FBXO27: variants seen among roughly 807,000 people sequenced by gnomAD.
FBXO27 encodes the protein F-box only protein 27.
FBXO27 carries 28 observed loss-of-function variants against 28.3 expected under a neutral mutation model. The observed-to-expected ratio is 0.99, with a 90% CI of 0.73 to 1.36. The LOEUF is 1.36. FBXO27 is among the 40% of genes most tolerant of loss of function. FBXO27 has a pLI of 0.00. For synonymous variants in FBXO27, 175 were observed against 167.3 expected, an observed-to-expected ratio of 1.05 and a Z score of -0.36; for missense variants, 388 against 394.1, an observed-to-expected ratio of 0.98 and a Z score of 0.13.
At chr19:39,009,807 TG>T in intron 2 of FBXO27, among the ~76,000 whole-genome samples, 1 of 151,980 alleles carries the variant, frequency 6.6e-6, no homozygotes, top group African/African-American at 2.4e-5. Context: ...TTTTTTTTGT[TG>T]TTGTTGTTTG....
downstream of FBXO27, among the ~76,000 whole-genome samples, chr19:39,023,436 C>T (rs917836014): frequency 3.2e-4 from 48 of 152,072 alleles, no homozygotes; most frequent in African/African-American, 1.1e-3. Flanking sequence ...TGTCTTTGAC[C>T]CACCAAAAAC....
intron 2 of FBXO27, among the ~76,000 whole-genome samples, chr19:39,011,795 T>C (rs2072795802): frequency 6.6e-6 from 1 of 150,428 alleles, no homozygotes; most frequent in Non-Finnish European, 1.5e-5. Context: ...ATTATAGGCA[T>C]AAGCCACTAT....
intron 4 of FBXO27, among the ~76,000 whole-genome samples, chr19:39,028,601 AC>A (rs1271994652): frequency 6.6e-6 from 1 of 151,580 alleles, no homozygotes; most frequent in Admixed American, 6.6e-5. Context: ...GGTGGCTCAC[AC>A]CTGTAATCCC....
In FBXO27 at chr19:39,025,240, G is replaced by T. The variant is rs2072865800; in HGVS notation, c.*171C>A. The T allele has an allele frequency of 1.2e-6, 1 of 829,568 alleles. No homozygotes were observed. The highest frequency in any genetic ancestry group is 2.0e-5 in the South Asian group (1 of 49,630). 51.4% of individuals were successfully genotyped at this position (829,568 alleles called of 1,614,324 possible). A position where few individuals can be genotyped will look rare whatever the true frequency, so the allele number is the denominator to read the frequency against. On this transcript the variant is annotated 3_prime_UTR_variant, in exon 6 of 6. Coordinates refer to ENST00000292853, the MANE Select transcript of FBXO27 (RefSeq NM_178820.5). ...GATAAGATGGAAGAAGCTTCTTCTG[G>T]TAGTTTCTAGAACCTGAAGACAGGG...
intron 2 of FBXO27, among the ~76,000 whole-genome samples, chr19:39,011,428 T>G (rs915052520): frequency 6.6e-6 from 1 of 152,186 alleles, no homozygotes; most frequent in African/African-American, 2.4e-5. Context: ...CGAAACTCTC[T>G]CTCTCAAAAC....
At chr19:39,018,406 A>C (rs2072829370) in intron 1 of FBXO27, among the ~76,000 whole-genome samples, 1 of 152,174 alleles carries the variant, frequency 6.6e-6, no homozygotes, top group Non-Finnish European at 1.5e-5. Context: ...AATCATCTCC[A>C]GGAGTTCGTT....
At chr19:39,007,796 C>G (rs1042728486) in intron 2 of FBXO27, among the ~76,000 whole-genome samples, 2 of 152,090 alleles carry the variant, frequency 1.3e-5, no homozygotes, top group African/African-American at 4.8e-5. Flanking sequence ...GCACATGCCA[C>G]CACGCCTGGC....
downstream of FBXO27, among the ~76,000 whole-genome samples, chr19:39,022,715 C>T (rs530774485): frequency 9.4e-4 from 143 of 152,320 alleles, 1 homozygote; most frequent in South Asian, 0.013. Context: ...CTCCCGGGTT[C>T]AAGCGATTCT....
rs748987624 is a variant in FBXO27, at chr19:39,026,902, T to C, written c.676A>G (p.Ile226Val). The C allele has an allele frequency of 1.2e-6, 2 of 1,614,180 alleles. No individual in the cohort carries two copies. The highest frequency in any genetic ancestry group is 4.5e-5 in the East Asian group (2 of 44,888). Residue 226 changes from isoleucine to valine, a missense_variant, in exon 5 of 6, where the codon ATC (isoleucine) becomes GTC (valine). By Grantham distance (29) the Ile-to-Val change is conservative. Coordinates refer to ENST00000292853, the MANE Select transcript of FBXO27 (RefSeq NM_178820.5). Reference protein sequence around the residue: ...LDKFSAVPDPIPQWNNNACLH... With the variant: ...LDKFSAVPDPVPQWNNNACLH... ...CAGGCATTGTTGTTCCACTGCGGGA[T>C]GGGATCAGGCACAGCAGAGAATTTA...
At chr19:39,031,833 G>A (rs1030028557) in intron 2 of FBXO27, 31 bp downstream of exon 2, 7 of 1,452,948 alleles carry the variant, frequency 4.8e-6, no homozygotes, top group South Asian at 1.5e-5. Context: ...CTGTGGCCCA[G>A]CATCCTGGAC....
At position 39,032,218 on chromosome 19, in the gene FBXO27, A is replaced by C; in HGVS notation, c.10T>G (p.Ser4Ala). ...CGGGCGGCCCGGCCCCTGGAGACCGAGGCGCCCATGGTCCCCCCGCCAGGC... is the reference window on the plus strand; with the variant it reads ...CGGGCGGCCCGGCCCCTGGAGACCGCGGCGCCCATGGTCCCCCCGCCAGGC... MGA[S>A]VSRGRAARVP... Residue 4 changes from serine (S) to alanine (A), a missense_variant, in exon 2 of 6, where the codon TCG becomes GCG. Coordinates refer to ENST00000292853, the MANE Select transcript of FBXO27 (RefSeq NM_178820.5). This position sits in a 1 kb window ranked among gnomAD's most constrained non-coding sequence, Gnocchi z 4.7. 1 of 1,447,364 alleles carries C rather than the reference A, an allele frequency of 6.9e-7. No individual in the cohort carries two copies. The allele number at this position is 1,447,364 out of a possible 1,614,324, so 89.7% of individuals were successfully genotyped here. A position where few individuals can be genotyped will look rare whatever the true frequency, so the allele number is the denominator to read the frequency against.
intron 1 of FBXO27, among the ~76,000 whole-genome samples, chr19:39,018,675 G>A (rs772736903): frequency 6.6e-6 from 1 of 152,078 alleles, no homozygotes. Flanking sequence ...GCATTGAGGA[G>A]CATTGTAAAA....
At chr19:39,015,150 T>C (rs2072813652) in intron 1 of FBXO27, among the ~76,000 whole-genome samples, 1 of 145,462 alleles carries the variant, frequency 6.9e-6, no homozygotes. Flanking sequence ...ACCCCCTCTC[T>C]ACAAAAAAAT....
At chr19:39,019,513 G>A (rs1399322089), downstream of FBXO27, among the ~76,000 whole-genome samples, 2 of 138,816 alleles carry the variant, frequency 1.4e-5, no homozygotes, top group Non-Finnish European at 3.1e-5. Context: ...CTAGAAAAGT[G>A]TAGCCATTAT....
At chr19:39,015,842 G>T (rs771111934) in intron 1 of FBXO27, among the ~76,000 whole-genome samples, 1 of 152,270 alleles carries the variant, frequency 6.6e-6, no homozygotes, top group Non-Finnish European at 1.5e-5. Flanking sequence ...AGGCTCAGGC[G>T]GGTAGATCGT....
At chr19:39,015,975 G>A (rs2072817780) in intron 1 of FBXO27, among the ~76,000 whole-genome samples, 1 of 152,150 alleles carries the variant, frequency 6.6e-6, no homozygotes, top group South Asian at 2.1e-4. Context: ...GGGAGGCTGA[G>A]GTGGGAGCAT....
intron 2 of FBXO27, 50 bp from the exon 3 acceptor site, chr19:39,031,370 G>T: frequency 6.3e-6 from 10 of 1,575,190 alleles, no homozygotes; most frequent in Non-Finnish European, 8.7e-6. Context: ...CCGCCTGTTG[G>T]TTCCTAGTGA....
At chr19:39,012,889 G>A (rs1040634598) in intron 2 of FBXO27, among the ~76,000 whole-genome samples, 29 of 152,230 alleles carry the variant, frequency 1.9e-4, no homozygotes, top group Admixed American at 5.9e-4. Context: ...GAACCTGGGA[G>A]GTAGAGGTTG....
At chr19:39,023,896 T>C (rs1003917494), downstream of FBXO27, 3 of 152,292 alleles carry the variant, frequency 2.0e-5, no homozygotes, top group Admixed American at 2.0e-4. Flanking sequence ...ATTATAGGTG[T>C]GAGCCACTGC....
Sources: gnomAD v4.1 joint callset for allele counts (sites outside exome capture counted in the v4.1 genomes callset) on GRCh38, gnomAD v4.1.1 for gene constraint, Gnocchi (gnomAD v3.1) non-coding constraint, MANE v1.5 for transcripts, NCBI Gene and HGNC (gene_info 2026-07-23, HGNC 2026-07-21) for gene names.